The following MON1B variants were observed in gnomAD, a reference collection of about 807,000 sequenced individuals.
The protein encoded by MON1B is vacuolar fusion protein MON1 homolog B.
MON1B carries 26 observed loss-of-function variants against 45.1 expected under a neutral mutation model. The ratio of observed to expected loss-of-function variants is 0.58; its 90% CI spans 0.42 to 0.80. MON1B has a LOEUF of 0.80. MON1B is among the 30% of genes least tolerant of loss of function. The pLI is 0.00. For missense variants in MON1B, 737 were observed against 754.5 expected, an observed-to-expected ratio of 0.98 and a Z score of 0.27; for synonymous variants, 395 against 320.2, an observed-to-expected ratio of 1.23 and a Z score of -2.49.
chr16:77,200,200 A>C lies in MON1B; in HGVS notation c.*1892A>C, dbSNP rs1417028218. ...TATATATACATATACATATGTGTGT[A>C]TGTGTATTTATATGTATGTATGTAT... On this transcript the variant is annotated 3_prime_UTR_variant, in exon 6 of 6. Transcript: ENST00000248248. The C allele has an allele frequency of 6.8e-6, 1 of 146,052 alleles. No homozygotes were observed. The highest frequency in any genetic ancestry group is 2.2e-4 in the South Asian group (1 of 4,618). The allele number at this position is 146,052 out of a possible 1,614,324, so 9.0% of individuals were successfully genotyped here.
chr16:77,194,492 A>T lies in MON1B; in HGVS notation c.633A>T (p.Ala211=), dbSNP rs2232502. The T allele has an allele frequency of 2.2e-3, 3,594 of 1,614,028 alleles. 103 individuals are homozygous for T. The East Asian group carries it at 0.062, about 28-fold the overall frequency. The stretch of plus-strand genomic sequence containing the variant: ...GTGCAAGTGTCGCCCGCATCTTCGC[A>T]CACAAGCAGAACTATGACCTCCGCC... ...LTRASVARIF[A]HKQNYDLRRL... The change falls in exon 4 of 6, where the codon GCA becomes GCT. Residue 211 remains alanine (A), a synonymous_variant. Coordinates refer to ENST00000248248, the MANE Select transcript of MON1B (RefSeq NM_014940.4). This position sits in a 1 kb window ranked among gnomAD's most constrained non-coding sequence, Gnocchi z 8.1.
intron 2 of MON1B, among the ~76,000 whole-genome samples, chr16:77,192,149 CATTTGAGATTT>C (rs1356649363): frequency 6.6e-6 from 1 of 152,046 alleles, no homozygotes; most frequent in East Asian, 1.9e-4. Flanking sequence ...TAAAGTTGTT[CATTTGAGATTT>C]AATGGAAGTC....
Position 77,194,830 on chromosome 16 carries a change from C to T in MON1B, c.971C>T (p.Pro324Leu). 3 of 1,610,794 alleles carry T rather than the reference C, an allele frequency of 1.9e-6. No individual in the cohort carries two copies. The highest frequency in any genetic ancestry group is 2.5e-6 in the Non-Finnish European group (3 of 1,180,000). Residue 324 changes from proline (P) to leucine (L), a missense_variant, in exon 4 of 6, where the codon CCT becomes CTT. Transcript: ENST00000248248. This position sits in a 1 kb window ranked among gnomAD's most constrained non-coding sequence, Gnocchi z 8.1. The stretch of plus-strand genomic sequence containing the variant: ...TTTGCGGCGGGTGAGGCTTGGGCAC[C>T]TGTGTGCCTGCCCCGCTTCAACCCT... ...PAFAAGEAWA[P>L]VCLPRFNPDG...
chr16:77,193,962 C>G lies in MON1B; in HGVS notation c.475+185C>G. On this transcript the variant is annotated intron_variant, in intron 3 of 5. Transcript: ENST00000248248. This position sits in a 1 kb window ranked among gnomAD's most constrained non-coding sequence, Gnocchi z 5.0. ...TCATCTCTGTCTGGCCTGCTGGTTT[C>G]TTAGTGATTGACTTGCTGGGATCTC... The G allele has an allele frequency of 1.6e-6, 1 of 639,316 alleles. No homozygotes were observed. Among genetic ancestry groups the G allele is most frequent in the Non-Finnish European group, 2.7e-6 (1 of 372,836 alleles). 39.6% of individuals were successfully genotyped at this position (639,316 alleles called of 1,614,324 possible).
chr16:77,193,758 C>T lies in MON1B; in HGVS notation c.456C>T (p.Ala152=), dbSNP rs750523855. Residue 152 remains alanine, a synonymous_variant, in exon 3 of 6, where the codon GCC becomes GCT. Coordinates refer to ENST00000248248, the MANE Select transcript of MON1B (RefSeq NM_014940.4). The surrounding 1 kb of genome is among the most constrained non-coding windows in gnomAD (Gnocchi z 5.0). ...LVSFVQSAGD[A]IRAIYAEDHK... is the part of the protein sequence containing the mutation. ...CCTTTGTGCAGAGTGCGGGAGATGCCATCCGTGCCATCTACGCTGGTGAGC... is the reference window on the plus strand; with the variant it reads ...CCTTTGTGCAGAGTGCGGGAGATGCTATCCGTGCCATCTACGCTGGTGAGC... The T allele has an allele frequency of 6.2e-7, 1 of 1,612,126 alleles. No individual in the cohort carries two copies. The highest frequency in any genetic ancestry group is 2.2e-5 in the East Asian group (1 of 44,840).
intron 5 of MON1B, among the ~76,000 whole-genome samples, chr16:77,197,145 G>A (rs56117588): frequency 0.095 from 14,458 of 152,012 alleles, 949 homozygotes; most frequent in East Asian, 0.29. Flanking sequence ...AGGCTGAGTC[G>A]GGGTGGGAGT....
Position 77,195,576 on chromosome 16 carries a change from A to C in MON1B, c.1337A>C (p.Gln446Pro). 6.2e-7 allele frequency: 1 copy of C among 1,613,728 alleles called. No individual in the cohort carries two copies. Among genetic ancestry groups the C allele is most frequent in the Non-Finnish European group, 8.5e-7 (1 of 1,179,906 alleles). The change falls in exon 5 of 6, where the codon CAG (glutamine) becomes CCG (proline). Residue 446 changes from glutamine to proline, a missense_variant. By Grantham distance (76) the Gln-to-Pro change is moderately conservative. Transcript: ENST00000248248. ...CCCTACAGCAGAGAGGAGGAGCGGC[A>C]GCGGCTGTCGGACCTGTACCACCGC... ...EAPYSREEER[Q>P]RLSDLYHRLH...
rs1415363280 is a variant in MON1B, at chr16:77,193,517, CCT to C, written c.219_220del (p.Arg74AlafsTer8). 1.9e-6 allele frequency: 3 copies of C among 1,611,596 alleles called. No homozygotes were observed. Among genetic ancestry groups the C allele is most frequent in the Non-Finnish European group, 2.5e-6 (3 of 1,178,520 alleles). On this transcript the variant is annotated frameshift_variant, in exon 3 of 6. Transcript: ENST00000248248. LOFTEE classifies it high-confidence loss of function. This position sits in a 1 kb window ranked among gnomAD's most constrained non-coding sequence, Gnocchi z 5.0. The stretch of plus-strand genomic sequence containing the variant: ...CCCCAGTCAGAGGCCCTGTCAAGCA[CCT>C]CTCGGCTCTGGAGTCCTGCAGCCCC...
Position 77,195,674 on chromosome 16 carries a change from C to T in MON1B, c.1435C>T (p.Leu479=), listed in dbSNP as rs772609925. Residue 479 remains leucine (L), a synonymous_variant, in exon 5 of 6, where the codon CTG becomes TTG. Coordinates refer to ENST00000248248, the MANE Select transcript of MON1B (RefSeq NM_014940.4). ...IYHVAEKETL[L]AWVTSKFELY... Reference sequence around the variant, plus strand: ...CCACGTGGCTGAGAAGGAGACACTACTGGCCTGGGTAAGTTGGGCAGGGCT... The same window carrying T: ...CCACGTGGCTGAGAAGGAGACACTATTGGCCTGGGTAAGTTGGGCAGGGCT... 4 of 1,614,062 alleles carry T rather than the reference C, an allele frequency of 2.5e-6. No homozygotes were observed.
chr16:77,196,277 A>G (rs79292017), intron 5 of MON1B, among the ~76,000 whole-genome samples: 9,912 of 148,144 alleles, frequency 0.067, 455 homozygotes, highest in East Asian at 0.15. Context: ...GTATTGTCCT[A>G]GGCTAAGAAT....
At chr16:77,195,777 A>G in intron 5 of MON1B, 95 bp downstream of exon 5, 1 of 1,456,360 alleles carries the variant, frequency 6.9e-7, no homozygotes, top group South Asian at 1.3e-5. Flanking sequence ...TCCACCAAAC[A>G]CAGCAGGCCT....
At chr16:77,195,729 T>G (rs756424459) in intron 5 of MON1B, 47 bp downstream of exon 5, 11 of 1,604,318 alleles carry the variant, frequency 6.9e-6, no homozygotes, top group Non-Finnish European at 9.4e-6. Context: ...ACTTCAAGCC[T>G]CCTTTCCCTA....
At position 77,200,733 on chromosome 16, in the gene MON1B, A is replaced by G. The variant is rs1039589710; in HGVS notation, c.*2425A>G. 1 of 138,100 alleles carries G rather than the reference A, an allele frequency of 7.2e-6. No homozygotes were observed. Among genetic ancestry groups the G allele is most frequent in the African/African-American group, 2.8e-5 (1 of 35,762 alleles). 8.6% of individuals were successfully genotyped at this position (138,100 alleles called of 1,614,324 possible). A position where few individuals can be genotyped will look rare whatever the true frequency, so the allele number is the denominator to read the frequency against. ...ATTGCGCCACTGCACTCCAGCGCGG[A>G]AGACAGAGTGAGCAAAAAAAAAAAA... is the stretch of plus-strand genomic sequence containing the variant. On this transcript the variant is annotated 3_prime_UTR_variant, in exon 6 of 6. Coordinates refer to ENST00000248248, the MANE Select transcript of MON1B (RefSeq NM_014940.4).
rs11544784 is a variant in MON1B at position 77,199,433 on chromosome 16, G to A, written c.*1125G>A. 12,230 of 1,551,146 alleles carry A rather than the reference G, an allele frequency of 7.9e-3. 61 individuals carry two copies. Among genetic ancestry groups the A allele is most frequent in the Non-Finnish European group, 9.4e-3 (10,826 of 1,146,740 alleles). On this transcript the variant is annotated 3_prime_UTR_variant, in exon 6 of 6. Coordinates refer to ENST00000248248, the MANE Select transcript of MON1B (RefSeq NM_014940.4). The stretch of plus-strand genomic sequence containing the variant: ...ACCAGTCATCAAGCGAGGCTCGCGC[G>A]CAGGCCCCGCGTTGGAAAATGGCGG...
Position 77,193,690 on chromosome 16 carries a change from G to C in MON1B, c.388G>C (p.Glu130Gln). 6.2e-7 allele frequency: 1 copy of C among 1,614,086 alleles called. No homozygotes were observed. Among genetic ancestry groups the C allele is most frequent in the Non-Finnish European group, 8.5e-7 (1 of 1,179,962 alleles). The change falls in exon 3 of 6, where the codon GAG becomes CAG. Residue 130 changes from glutamate to glutamine, a missense_variant. Coordinates refer to ENST00000248248, the MANE Select transcript of MON1B (RefSeq NM_014940.4). The surrounding 1 kb of genome is among the most constrained non-coding windows in gnomAD (Gnocchi z 5.0). ...KPIYSRYGSV[E>Q]ALSATMGVMT... ...CATCTACTCGCGGTATGGTAGTGTG[G>C]AGGCGCTGTCGGCTACCATGGGTGT... is the stretch of plus-strand genomic sequence containing the variant.
intron 5 of MON1B, among the ~76,000 whole-genome samples, chr16:77,195,995 C>T (rs566287421): frequency 6.6e-6 from 1 of 152,308 alleles, no homozygotes; most frequent in East Asian, 1.9e-4. Flanking sequence ...CCCCAGTAGC[C>T]CAATCCATGT....
Position 77,199,543 on chromosome 16 carries a change from C to T in MON1B, c.*1235C>T, listed in dbSNP as rs952540401. The T allele has an allele frequency of 5.3e-6, 8 of 1,513,696 alleles. No individual in the cohort carries two copies. The Admixed American group carries it at 1.6e-4, about 30-fold the overall frequency. The allele number at this position is 1,513,696 out of a possible 1,614,324, so 93.8% of individuals were successfully genotyped here. A position where few individuals can be genotyped will look rare whatever the true frequency, so the allele number is the denominator to read the frequency against. ...GAGGGCAAGTGGGCTGCACTCCTTT[C>T]TCTCCAACCAGGGCAGAAAGGAGGG... On this transcript the variant is annotated 3_prime_UTR_variant, in exon 6 of 6. Transcript: ENST00000248248.
In MON1B at chr16:77,202,035, T is replaced by G. The variant is rs1192503706; in HGVS notation, c.*3727T>G. 2 of 152,186 alleles carry G rather than the reference T, an allele frequency of 1.3e-5. No homozygotes were observed. The highest frequency in any genetic ancestry group is 4.8e-5 in the African/African-American group (2 of 41,436). The allele number at this position is 152,186 out of a possible 1,614,324, so 9.4% of individuals were successfully genotyped here. Reference sequence around the variant, plus strand: ...TGGGAGTAGTGCAGAGGTAGAGGCATTTTTGTGATTTATTGTTCTATTTTT... The same window carrying G: ...TGGGAGTAGTGCAGAGGTAGAGGCAGTTTTGTGATTTATTGTTCTATTTTT... On this transcript the variant is annotated 3_prime_UTR_variant, in exon 6 of 6. Coordinates refer to ENST00000248248, the MANE Select transcript of MON1B (RefSeq NM_014940.4).
Position 77,199,399 on chromosome 16 carries a change from T to C in MON1B, c.*1091T>C. On this transcript the variant is annotated 3_prime_UTR_variant, in exon 6 of 6. Coordinates refer to ENST00000248248, the MANE Select transcript of MON1B (RefSeq NM_014940.4). ...AAAAGCCTTTCACCCTCACGTGGTT[T>C]CTTTTTTAACCAGTCATCAAGCGAG... is the stretch of plus-strand genomic sequence containing the variant. The C allele has an allele frequency of 6.5e-7, 1 of 1,536,294 alleles. No homozygotes were observed. Among genetic ancestry groups the C allele is most frequent in the Non-Finnish European group, 8.8e-7 (1 of 1,135,040 alleles).
Sources: allele counts gnomAD v4.1 joint callset (sites outside exome capture counted in the v4.1 genomes callset), GRCh38; gene constraint gnomAD v4.1.1; non-coding constraint Gnocchi (gnomAD v3.1); transcripts MANE v1.5; gene names NCBI Gene and HGNC (gene_info 2026-07-23, HGNC 2026-07-21).